The following OBP2B variants were observed in gnomAD, a reference collection of about 807,000 sequenced individuals.
The protein encoded by OBP2B is odorant binding protein 2B.
A neutral mutation model predicts 21.7 loss-of-function variants in OBP2B; 10 were observed. The ratio of observed to expected loss-of-function variants is 0.46; its 90% CI spans 0.28 to 0.78. The LOEUF (loss-of-function observed/expected upper bound fraction) is 0.78. Among genes scored for constraint, OBP2B ranks in the 30% least tolerant of loss-of-function variants. The pLI, the probability that OBP2B is intolerant of heterozygous loss-of-function variation, is 0.11. For synonymous variants in OBP2B, 73 were observed against 91.5 expected (o/e 0.80, Z 1.16); for missense variants, 153 against 217.7 (o/e 0.70, Z 1.87).
chr9:133,214,776 GA>G, the OBP2B span, among the ~76,000 whole-genome samples: 1 of 152,172 alleles, frequency 6.6e-6, no homozygotes. Context: ...AGCAAGAAAG[GA>G]AAAAAGTTTT....
At chr9:133,219,226 T>C in the OBP2B span, among the ~76,000 whole-genome samples, 3 of 152,228 alleles carry the variant, frequency 2.0e-5, no homozygotes, top group Admixed American at 2.0e-4. Context: ...AATTCTTCTC[T>C]ATACACCCAA....
the OBP2B span, among the ~76,000 whole-genome samples, chr9:133,221,410 C>T: frequency 6.6e-6 from 1 of 152,300 alleles, no homozygotes; most frequent in East Asian, 1.9e-4. Context: ...GGGAGGGCAT[C>T]TCGTCGATAG....
intron 4 of OBP2B, 30 bp from the exon 5 acceptor site, chr9:133,206,446 G>A (rs782171013): frequency 1.9e-5 from 31 of 1,611,230 alleles, no homozygotes; most frequent in South Asian, 4.4e-5. Context: ...GTGAGCCGAC[G>A]TGGGGACAGC....
chr9:133,222,934 C>G, the OBP2B span, among the ~76,000 whole-genome samples: 2 of 152,006 alleles, frequency 1.3e-5, no homozygotes, highest in Non-Finnish European at 2.9e-5. Context: ...GCACCCCCAA[C>G]CACTCTCCCT....
chr9:133,220,609 C>T, the OBP2B span, among the ~76,000 whole-genome samples: 1 of 150,306 alleles, frequency 6.7e-6, no homozygotes, highest in Non-Finnish European at 1.5e-5. Context: ...GAATAATGGT[C>T]CCCTAAAGAT....
chr9:133,206,806 C>T (rs2119390361), intron 4 of OBP2B, among the ~76,000 whole-genome samples: 1 of 152,030 alleles, frequency 6.6e-6, no homozygotes, highest in South Asian at 2.1e-4. Flanking sequence ...AGCCACTCGG[C>T]AACCCCAGGG....
intron 3 of OBP2B, chr9:133,207,838 A>G: frequency 1.3e-6 from 2 of 1,488,560 alleles, no homozygotes; most frequent in South Asian, 1.2e-5. Flanking sequence ...GCCTCCCCGT[A>G]CCTAATCCTT....
Position 133,209,225 on chromosome 9 carries a change from CG to C in OBP2B, c.-27del, listed in dbSNP as rs1833858831. Reference sequence around the variant, plus strand: ...CTCCAGAGCTCTGTGCTGCCGACCTCGGCAGGTCACTGGGCGTCTGAACAAG... The same window carrying C: ...CTCCAGAGCTCTGTGCTGCCGACCTCGCAGGTCACTGGGCGTCTGAACAAG... On this transcript the variant is annotated 5_prime_UTR_variant, in exon 1 of 7. Coordinates refer to ENST00000372034, the MANE Select transcript of OBP2B (RefSeq NM_014581.4). The surrounding 1 kb of genome is among the most constrained non-coding windows in gnomAD (Gnocchi z 6.0). The C allele has an allele frequency of 6.4e-7, 1 of 1,568,808 alleles. No individual in the cohort carries two copies. The highest frequency in any genetic ancestry group is 1.4e-5 in the African/African-American group (1 of 73,808).
the OBP2B span, among the ~76,000 whole-genome samples, chr9:133,216,333 C>T: frequency 2.6e-5 from 4 of 151,086 alleles, no homozygotes; most frequent in African/African-American, 9.8e-5. Context: ...AGATGCTCAA[C>T]ACCATTAGTC....
chr9:133,212,489 A>G (rs1288369964), upstream of OBP2B, among the ~76,000 whole-genome samples: 1 of 152,236 alleles, frequency 6.6e-6, no homozygotes, highest in Non-Finnish European at 1.5e-5. Context: ...CTCTGACCAC[A>G]TGGAATCTAA....
At chr9:133,220,112 G>A in the OBP2B span, among the ~76,000 whole-genome samples, 1 of 152,148 alleles carries the variant, frequency 6.6e-6, no homozygotes, top group African/African-American at 2.4e-5. Context: ...GGGCGTGGAG[G>A]GAAGAATGGG....
Position 133,205,375 on chromosome 9 carries a change from G to A in OBP2B, c.*38C>T. The A allele has an allele frequency of 6.6e-7, 1 of 1,515,178 alleles. No individual in the cohort carries two copies. Among genetic ancestry groups the A allele is most frequent in the Non-Finnish European group, 8.9e-7 (1 of 1,117,804 alleles). The allele number at this position is 1,515,178 out of a possible 1,614,324, so 93.9% of individuals were successfully genotyped here. On this transcript the variant is annotated 3_prime_UTR_variant, in exon 7 of 7. Transcript: ENST00000372034. ...AGGTGGTCCAGGCTCTGTGTCTGGT[G>A]GTAGGGTGGGCTCTGGAGGTGCAGA...
the OBP2B span, among the ~76,000 whole-genome samples, chr9:133,222,627 C>T: frequency 2.0e-5 from 3 of 152,222 alleles, no homozygotes; most frequent in Admixed American, 2.0e-4. Flanking sequence ...ACTCGGGAGG[C>T]TGAGGCAGGA....
chr9:133,207,080 C>T (rs770690129), intron 4 of OBP2B, 146 bp downstream of exon 4: 24 of 631,260 alleles, frequency 3.8e-5, no homozygotes, highest in Non-Finnish European at 6.2e-5. Context: ...GGTACTTGGA[C>T]CGGCTGCCCA....
rs1415850466 is a variant in OBP2B, at chr9:133,208,114, G to T, written c.277+19C>A. On this transcript the variant is annotated intron_variant, in intron 3 of 6. Transcript: ENST00000372034. ...TGGCGGTGGGGGAGGGTGGGGGTGG[G>T]AGTGGGGGAGGGGCTCACAGGCGCT... The T allele has an allele frequency of 7.1e-7, 1 of 1,409,378 alleles. No homozygotes were observed. The highest frequency in any genetic ancestry group is 2.8e-5 in the East Asian group (1 of 36,010). The allele number at this position is 1,409,378 out of a possible 1,614,324, so 87.3% of individuals were successfully genotyped here.
chr9:133,205,688 C>G (rs1273590700), intron 6 of OBP2B: 22 of 644,210 alleles, frequency 3.4e-5, no homozygotes, highest in Non-Finnish European at 5.2e-5. Flanking sequence ...GTGGAAAGGC[C>G]GAGGAGGACC....
upstream of OBP2B, among the ~76,000 whole-genome samples, chr9:133,213,118 T>C (rs1389222754): frequency 6.6e-6 from 1 of 151,950 alleles, no homozygotes; most frequent in African/African-American, 2.4e-5. Context: ...CGTATACCTG[T>C]AATCCCAGCT....
chr9:133,217,639 C>A, the OBP2B span, among the ~76,000 whole-genome samples: 1 of 152,210 alleles, frequency 6.6e-6, no homozygotes, highest in Non-Finnish European at 1.5e-5. Context: ...GTGACTCTTG[C>A]AGGCTTCCCA....
At chr9:133,221,368 G>A in the OBP2B span, among the ~76,000 whole-genome samples, 17 of 152,202 alleles carry the variant, frequency 1.1e-4, no homozygotes, top group Non-Finnish European at 1.9e-4. Context: ...CTACAGGCGC[G>A]TGTGCAGATT....
Sources: allele counts gnomAD v4.1 joint callset (sites outside exome capture counted in the v4.1 genomes callset), GRCh38; gene constraint gnomAD v4.1.1; non-coding constraint Gnocchi (gnomAD v3.1); transcripts MANE v1.5; gene names NCBI Gene and HGNC (gene_info 2026-07-23, HGNC 2026-07-21).